The following EXD2 variants were observed in gnomAD, a reference collection of about 807,000 sequenced individuals.
EXD2 encodes exonuclease 3'-5' domain containing 2.
Under a neutral mutation model 62.5 loss-of-function variants are expected in EXD2, and 40 were observed. That is an observed-to-expected ratio of 0.64 (90% CI 0.50 to 0.83). EXD2 has a LOEUF of 0.83. Ranked by LOEUF, EXD2 falls within the 40% of genes least tolerant of loss-of-function variation. The pLI is 0.00. For missense variants in EXD2, 671 were observed against 761.8 expected, an observed-to-expected ratio of 0.88 and a Z score of 1.40; for synonymous variants, 239 against 291.9, an observed-to-expected ratio of 0.82 and a Z score of 1.85.
At position 69,242,999 on chromosome 14, in the gene EXD2, G is replaced by A. The variant is rs1187091842; in HGVS notation, c.*1899G>A. 1 of 152,090 alleles carries A rather than the reference G, an allele frequency of 6.6e-6. No homozygotes were observed. The highest frequency in any genetic ancestry group is 1.5e-5 in the Non-Finnish European group (1 of 68,028). The allele number at this position is 152,090 out of a possible 1,614,324, so 9.4% of individuals were successfully genotyped here. On this transcript the variant is annotated 3_prime_UTR_variant, in exon 10 of 10. Transcript: ENST00000685843. ...TGCCAAGAGGTGAGAAACACTTAAG[G>A]TCATTTAAGGTGCTAGGGAAAGGGT...
intron 1 of EXD2, among the ~76,000 whole-genome samples, chr14:69,198,014 GTCT>G (rs1212300161): frequency 3.9e-5 from 6 of 152,062 alleles, no homozygotes; most frequent in Non-Finnish European, 8.8e-5. Context: ...CACTCTTCTG[GTCT>G]TCTTCTAGAT....
intron 3 of EXD2, among the ~76,000 whole-genome samples, chr14:69,221,220 G>A (rs2043174376): frequency 6.6e-6 from 1 of 152,160 alleles, no homozygotes; most frequent in Non-Finnish European, 1.5e-5. Flanking sequence ...CAACAGGTTA[G>A]GGGTGTTTCC....
Position 69,240,965 on chromosome 14 carries a change from G to A in EXD2, c.1731G>A (p.Gln577=). The A allele has an allele frequency of 1.1e-5, 17 of 1,613,482 alleles. No homozygotes were observed. Among genetic ancestry groups the A allele is most frequent in the Non-Finnish European group, 1.4e-5 (17 of 1,180,042 alleles). The change falls in exon 10 of 10, where the codon CAG becomes CAA. Residue 577 remains glutamine (Q), a synonymous_variant. Transcript: ENST00000685843. ...AGGGTGGCCTGCGCTCCCTCATGCA[G>A]CTGGAGAGCCGCTGGCGTCAGCACT... ...HSQGGLRSLM[Q]LESRWRQHFL...
chr14:69,231,521 C>T (rs2043579877), intron 5 of EXD2, among the ~76,000 whole-genome samples: 1 of 152,118 alleles, frequency 6.6e-6, no homozygotes, highest in Non-Finnish European at 1.5e-5. Flanking sequence ...TAGTAAACTG[C>T]AGTTACTTTT....
intron 1 of EXD2, among the ~76,000 whole-genome samples, chr14:69,192,756 G>A (rs1052164521): frequency 2.0e-5 from 3 of 152,146 alleles, no homozygotes; most frequent in South Asian, 4.1e-4. Context: ...ACAACTTGAC[G>A]TTTTATGCTT....
chr14:69,208,119 A>G (rs2042671729), intron 2 of EXD2, among the ~76,000 whole-genome samples: 1 of 150,924 alleles, frequency 6.6e-6, no homozygotes, highest in Non-Finnish European at 1.5e-5. Context: ...GGCTGGAACG[A>G]ACTCCTGACC....
chr14:69,204,407 C>T (rs1158506434), intron 2 of EXD2, among the ~76,000 whole-genome samples: 1 of 152,006 alleles, frequency 6.6e-6, no homozygotes, highest in Non-Finnish European at 1.5e-5. Context: ...CGCATCTCTA[C>T]AAGAAATCAA....
At position 69,241,108 on chromosome 14, in the gene EXD2, T is replaced by C. The variant is rs1235136194; in HGVS notation, c.*8T>C. 1 of 1,610,786 alleles carries C rather than the reference T, an allele frequency of 6.2e-7. No homozygotes were observed. On this transcript the variant is annotated 3_prime_UTR_variant, in exon 10 of 10. Coordinates refer to ENST00000685843, the MANE Select transcript of EXD2 (RefSeq NM_001193360.2). The stretch of plus-strand genomic sequence containing the variant: ...CCCATCCAGCTGTCTTGATAGCTGC[T>C]TTCCTCCCAGTTAGGACAAGTGGGA...
chr14:69,197,464 G>A (rs2042246100), intron 1 of EXD2, among the ~76,000 whole-genome samples: 1 of 151,422 alleles, frequency 6.6e-6, no homozygotes, highest in Non-Finnish European at 1.5e-5. Flanking sequence ...ATTCAGGGTG[G>A]TACATGTGCA....
chr14:69,212,292 GC>G lies in EXD2; in HGVS notation c.333+2490del, dbSNP rs528301504. Among the ~76,000 whole-genome samples the G allele has an allele frequency of 2.2e-3, 332 of 152,158 alleles. 1 individual carries two copies. Among genetic ancestry groups the G allele is most frequent in the African/African-American group, 7.6e-3 (314 of 41,518 alleles). On this transcript the variant is annotated intron_variant, in intron 3 of 9. Transcript: ENST00000685843. ...CTTGGGAGGCTGAGGCAGGAGAATT[GC>G]TTGAGCCCAGGAGGTGGAGGTTGCA... is the stretch of plus-strand genomic sequence containing the variant.
Sources: allele counts gnomAD v4.1 joint callset (sites outside exome capture counted in the v4.1 genomes callset), GRCh38; gene constraint gnomAD v4.1.1; transcripts MANE v1.5; gene names NCBI Gene and HGNC (gene_info 2026-07-23, HGNC 2026-07-21).